ARL15: variants seen among roughly 807,000 people sequenced by gnomAD.
ARL15 encodes ARF like GTPase 15, also known as ADP-ribosylation factor-like protein 15.
Under a neutral mutation model 25.2 loss-of-function variants are expected in ARL15, and 19 were observed. That is an observed-to-expected ratio of 0.75 (90% confidence interval 0.53 to 1.10). The LOEUF is 1.10. ARL15 is among the 50% of genes least tolerant of loss of function. The pLI, the probability that ARL15 is intolerant of heterozygous loss-of-function variation, is 0.00. For missense variants in ARL15, 220 were observed against 246.0 expected, an observed-to-expected ratio of 0.89 and a Z score of 0.71; for synonymous variants, 94 against 86.8, an observed-to-expected ratio of 1.08 and a Z score of -0.46.
intron 4 of ARL15, among the ~76,000 whole-genome samples, chr5:54,090,565 G>A (rs553791244): frequency 6.6e-6 from 1 of 152,114 alleles, no homozygotes; most frequent in South Asian, 2.1e-4. Flanking sequence ...AATGTGGGTA[G>A]TGGAGACATT....
intron 3 of ARL15, among the ~76,000 whole-genome samples, chr5:54,147,868 T>C (rs1399848687): frequency 2.0e-5 from 3 of 152,252 alleles, no homozygotes; most frequent in African/African-American, 7.2e-5. Context: ...TTGATTTATA[T>C]TGTCTTTACG....
intron 4 of ARL15, among the ~76,000 whole-genome samples, chr5:54,109,171 G>A (rs1246766653): frequency 6.6e-6 from 1 of 151,916 alleles, no homozygotes; most frequent in African/African-American, 2.4e-5. Context: ...TTTAGAAGCT[G>A]TATTTTCCTG....
chr5:54,164,056 C>A (rs953676390), intron 2 of ARL15, among the ~76,000 whole-genome samples: 4 of 151,956 alleles, frequency 2.6e-5, no homozygotes, highest in African/African-American at 9.7e-5. Context: ...TTTATAGGCA[C>A]CACAAATTCT....
intron 1 of ARL15, among the ~76,000 whole-genome samples, chr5:54,278,288 T>A (rs977830786): frequency 6.6e-6 from 1 of 152,200 alleles, no homozygotes; most frequent in Non-Finnish European, 1.5e-5. Flanking sequence ...TGCCTGATGG[T>A]AGAAGGTTCA....
chr5:54,071,125 G>T (rs546475657), intron 4 of ARL15, among the ~76,000 whole-genome samples: 1 of 151,464 alleles, frequency 6.6e-6, no homozygotes, highest in East Asian at 2.0e-4. Context: ...AGCCATGTTC[G>T]TGCCGCTGCA....
intron 4 of ARL15, among the ~76,000 whole-genome samples, chr5:53,896,587 G>A (rs746203656): frequency 9.2e-5 from 14 of 151,758 alleles, no homozygotes; most frequent in Non-Finnish European, 1.8e-4. Context: ...TCCACCTCCC[G>A]GGTTGTTCAC....
intron 4 of ARL15, among the ~76,000 whole-genome samples, chr5:54,039,129 TACCTACTC>T (rs966068710): frequency 6.6e-6 from 1 of 152,162 alleles, no homozygotes; most frequent in Non-Finnish European, 1.5e-5. Context: ...TTCATATATC[TACCTACTC>T]ACCTACTCAT....
At chr5:53,907,420 G>A (rs1224922459) in intron 4 of ARL15, among the ~76,000 whole-genome samples, 4 of 136,036 alleles carry the variant, frequency 2.9e-5, no homozygotes, top group African/African-American at 1.1e-4. Flanking sequence ...GAGGGAATGG[G>A]CATGGAGAAG....
chr5:54,052,014 T>C (rs1750714506), intron 4 of ARL15, among the ~76,000 whole-genome samples: 1 of 152,202 alleles, frequency 6.6e-6, no homozygotes, highest in African/African-American at 2.4e-5. Flanking sequence ...TGTATATTGC[T>C]AAGTAAAAGA....
intron 3 of ARL15, among the ~76,000 whole-genome samples, chr5:54,150,077 G>C (rs1245766467): frequency 6.6e-6 from 1 of 152,216 alleles, no homozygotes; most frequent in Non-Finnish European, 1.5e-5. Flanking sequence ...AAGAAGTCAA[G>C]TATGGAAGAG....
At chr5:53,949,537 A>G (rs1229285917) in intron 4 of ARL15, among the ~76,000 whole-genome samples, 1 of 152,222 alleles carries the variant, frequency 6.6e-6, no homozygotes, top group Non-Finnish European at 1.5e-5. Flanking sequence ...CATGGAAGAC[A>G]GCATGCATAA....
intron 4 of ARL15, among the ~76,000 whole-genome samples, chr5:53,903,891 A>G (rs1346609061): frequency 6.6e-6 from 1 of 152,188 alleles, no homozygotes; most frequent in Non-Finnish European, 1.5e-5. Flanking sequence ...GGTGAACATA[A>G]CAAGTCCTGG....
At chr5:54,258,659 C>A (rs964441698) in intron 1 of ARL15, among the ~76,000 whole-genome samples, 11 of 152,272 alleles carry the variant, frequency 7.2e-5, no homozygotes, top group Non-Finnish European at 1.5e-4. Flanking sequence ...AAAAAGTCCC[C>A]AATGCAGCTC....
chr5:54,142,406 CTAAG>C (rs1333367348), intron 3 of ARL15, among the ~76,000 whole-genome samples: 1 of 152,120 alleles, frequency 6.6e-6, no homozygotes, highest in African/African-American at 2.4e-5. Flanking sequence ...GCCTGGGGAA[CTAAG>C]TAATTCCTAT....
chr5:54,110,381 T>C (rs960437689), intron 4 of ARL15, among the ~76,000 whole-genome samples: 2 of 152,062 alleles, frequency 1.3e-5, no homozygotes, highest in African/African-American at 4.8e-5. Context: ...AGTGACAGGA[T>C]AAATTATTGC....
At chr5:53,924,683 C>T (rs534192384) in intron 4 of ARL15, among the ~76,000 whole-genome samples, 1 of 152,338 alleles carries the variant, frequency 6.6e-6, no homozygotes, top group South Asian at 2.1e-4. Flanking sequence ...CCGTAACTCC[C>T]CATGCCCCTC....
At chr5:53,951,546 C>A (rs919081226) in intron 4 of ARL15, 1 of 471,116 alleles carries the variant, frequency 2.1e-6, no homozygotes, top group Non-Finnish European at 4.4e-6. Context: ...CTTTAGATCA[C>A]ACAAATTTTC....
intron 4 of ARL15, among the ~76,000 whole-genome samples, chr5:54,077,391 G>A (rs1206604164): frequency 6.6e-6 from 1 of 152,150 alleles, no homozygotes; most frequent in Non-Finnish European, 1.5e-5. Context: ...TTAATCACTA[G>A]AGAGATTATA....
chr5:53,903,057 G>A (rs553869398), intron 4 of ARL15, among the ~76,000 whole-genome samples: 3 of 152,252 alleles, frequency 2.0e-5, no homozygotes, highest in African/African-American at 7.2e-5. Context: ...TTGGAAAGAG[G>A]CTTGCAGGCC....
Sources: allele counts gnomAD v4.1 joint callset (sites outside exome capture counted in the v4.1 genomes callset), GRCh38; gene constraint gnomAD v4.1.1; transcripts MANE v1.5; gene names NCBI Gene and HGNC (gene_info 2026-07-23, HGNC 2026-07-21).